PAPPA: variants seen among roughly 807,000 people sequenced by gnomAD.
PAPPA encodes pappalysin 1, also known as pappalysin-1.
A neutral mutation model predicts 164.0 loss-of-function variants in PAPPA; 60 were observed. The ratio of observed to expected loss-of-function variants is 0.37; its 90% confidence interval spans 0.30 to 0.45. The LOEUF (loss-of-function observed/expected upper bound fraction) is 0.45, where lower values mean the gene tolerates loss of function less well. Among genes scored for constraint, PAPPA ranks in the 20% least tolerant of loss-of-function variants. The pLI, the probability that PAPPA is intolerant of heterozygous loss-of-function variation, is 1.00. For missense variants in PAPPA, 1,782 were observed against 2,087.3 expected, an observed-to-expected ratio of 0.85 and a Z score of 2.85; for synonymous variants, 875 against 814.1, an observed-to-expected ratio of 1.07 and a Z score of -1.27.
At chr9:116,337,708 G>A (rs868278594) in intron 13 of PAPPA, among the ~76,000 whole-genome samples, 1 of 132,062 alleles carries the variant, frequency 7.6e-6, no homozygotes, top group Non-Finnish European at 1.6e-5. Context: ...TCTCTCCCCC[G>A]CCCCCCACCT....
At chr9:116,254,067 A>G (rs1430996124) in intron 7 of PAPPA, among the ~76,000 whole-genome samples, 2 of 152,166 alleles carry the variant, frequency 1.3e-5, no homozygotes, top group Non-Finnish European at 2.9e-5. Context: ...TCAAGCCAGT[A>G]TACCTCCTTG....
chr9:116,169,310 C>CTTTTT lies in PAPPA; in HGVS notation c.415+14746_415+14750dup, dbSNP rs563871496. Among the ~76,000 whole-genome samples the CTTTTT allele has an allele frequency of 1.9e-3, 100 of 52,150 alleles. 19 individuals carry two copies. Among genetic ancestry groups the CTTTTT allele is most frequent in the African/African-American group, 7.0e-3 (96 of 13,728 alleles). The allele number at this position is 52,150 out of a possible 152,430, so 34.2% of individuals were successfully genotyped here. Reference sequence around the variant, plus strand: ...GTCCTTCGGCCTCTCCAAACCCATTCTTTTTTTTTTTTTTTTTTTTTTTTT... The same window carrying CTTTTT: ...GTCCTTCGGCCTCTCCAAACCCATTCTTTTTTTTTTTTTTTTTTTTTTTTTTTTTT... On this transcript the variant is annotated intron_variant, in intron 1 of 21. Transcript: ENST00000328252.
At chr9:116,337,654 T>C (rs1251726513) in intron 13 of PAPPA, among the ~76,000 whole-genome samples, 1 of 151,294 alleles carries the variant, frequency 6.6e-6, no homozygotes, top group Non-Finnish European at 1.5e-5. Context: ...TCTCTCCCTC[T>C]CTCTCCTCTC....
rs376697346 is a variant in PAPPA, at chr9:116,335,101, T to G, written c.3611+27T>G. 5.3e-5 allele frequency: 83 copies of G among 1,579,842 alleles called. No homozygotes were observed. In the African/African-American group the frequency reaches 9.8e-4, roughly 19 times the overall value. ...TAAGGGATCCGCGGCAGACTCGCCC[T>G]AGGCCACTTGTAGCCGAGTGGAGAC... On this transcript the variant is annotated intron_variant, in intron 13 of 21. Transcript: ENST00000328252.
intron 13 of PAPPA, among the ~76,000 whole-genome samples, chr9:116,336,680 C>A (rs547132358): frequency 6.6e-6 from 1 of 152,148 alleles, no homozygotes; most frequent in Non-Finnish European, 1.5e-5. Flanking sequence ...TCGATTGATA[C>A]GTATTTGTTA....
chr9:116,259,204 TAACA>T lies in PAPPA; in HGVS notation c.2733-6646_2733-6643del, dbSNP rs1308669605. Among the ~76,000 whole-genome samples the T allele has an allele frequency of 2.0e-4, 31 of 151,646 alleles. No individual in the cohort carries two copies. The South Asian group carries it at 6.0e-3, about 30-fold the overall frequency. ...TTGTAGGTGCTTGAAACCATATAGG[TAACA>T]AACAAAACCTTAAAATTATTGAAAG... On this transcript the variant is annotated intron_variant, in intron 7 of 21. Coordinates refer to ENST00000328252, the MANE Select transcript of PAPPA (RefSeq NM_002581.5).
At chr9:116,232,592 C>T (rs1477147593) in intron 6 of PAPPA, among the ~76,000 whole-genome samples, 1 of 152,216 alleles carries the variant, frequency 6.6e-6, no homozygotes, top group Non-Finnish European at 1.5e-5. Context: ...TTTCATAAGA[C>T]CTGCGTCACA....
chr9:116,374,012 G>A (rs770789235), intron 19 of PAPPA, among the ~76,000 whole-genome samples: 2 of 151,468 alleles, frequency 1.3e-5, no homozygotes, highest in Non-Finnish European at 3.0e-5. Flanking sequence ...ATGAGGATGA[G>A]GATACTGATG....
chr9:116,357,310 T>G (rs1383708001), intron 17 of PAPPA, among the ~76,000 whole-genome samples: 1 of 152,234 alleles, frequency 6.6e-6, no homozygotes, highest in Non-Finnish European at 1.5e-5. Flanking sequence ...GGCTACCATA[T>G]CAGATAGTCC....
At chr9:116,330,370 CT>C (rs1434841222) in intron 10 of PAPPA, among the ~76,000 whole-genome samples, 1 of 152,134 alleles carries the variant, frequency 6.6e-6, no homozygotes, top group Non-Finnish European at 1.5e-5. Context: ...CACACATTGC[CT>C]GCTCTAAGCT....
intron 4 of PAPPA, among the ~76,000 whole-genome samples, chr9:116,219,549 G>C (rs1844416479): frequency 6.6e-6 from 1 of 152,176 alleles, no homozygotes; most frequent in Non-Finnish European, 1.5e-5. Flanking sequence ...GAGAGATATT[G>C]AGTGGGGGGT....
intron 2 of PAPPA, among the ~76,000 whole-genome samples, chr9:116,201,242 G>T (rs2118661409): frequency 1.3e-5 from 2 of 152,280 alleles, no homozygotes; most frequent in South Asian, 4.1e-4. Flanking sequence ...ACATTCTGAG[G>T]TTTATCTTGC....
chr9:116,154,331 C>T lies in PAPPA; in HGVS notation c.159C>T (p.Arg53=). 1.2e-5 allele frequency: 10 copies of T among 841,918 alleles called. No homozygotes were observed. The highest frequency in any genetic ancestry group is 1.4e-5 in the Non-Finnish European group (10 of 703,350). The allele number at this position is 841,918 out of a possible 1,614,324, so 52.2% of individuals were successfully genotyped here. Residue 53 remains arginine, a synonymous_variant, in exon 1 of 22, where the codon CGC becomes CGT. Coordinates refer to ENST00000328252, the MANE Select transcript of PAPPA (RefSeq NM_002581.5). The surrounding 1 kb of genome is among the most constrained non-coding windows in gnomAD (Gnocchi z 5.2). The stretch of plus-strand genomic sequence containing the variant: ...CCACCTGCGCCACCCGGGCGGCCCG[C>T]GGCCGCCGCGCCTCGCCGCCGCCGC... The part of the protein sequence containing the change: ...GPATCATRAA[R]GRRASPPPPP...
At chr9:116,294,977 G>T (rs1431615423) in intron 9 of PAPPA, among the ~76,000 whole-genome samples, 1 of 152,156 alleles carries the variant, frequency 6.6e-6, no homozygotes, top group Non-Finnish European at 1.5e-5. Context: ...TTGGAAGGAG[G>T]TTCATTTCAG....
At chr9:116,274,472 G>A (rs1173314016) in intron 9 of PAPPA, among the ~76,000 whole-genome samples, 3 of 152,226 alleles carry the variant, frequency 2.0e-5, no homozygotes, top group Non-Finnish European at 4.4e-5. Context: ...TCTTTAATGA[G>A]TCAGAGAAGA....
In PAPPA at chr9:116,288,012, C is replaced by T. The variant is rs1275078213; in HGVS notation, c.2954-14745C>T. Among the ~76,000 whole-genome samples, 9 of 152,204 alleles carry T rather than the reference C, an allele frequency of 5.9e-5. 1 individual carries two copies. Among genetic ancestry groups the T allele is most frequent in the Non-Finnish European group, 1.3e-4 (9 of 68,032 alleles). On this transcript the variant is annotated intron_variant, in intron 9 of 21. Coordinates refer to ENST00000328252, the MANE Select transcript of PAPPA (RefSeq NM_002581.5). ...CATGAATAGTTATGATGACTCTTAT[C>T]ATCCCTGATCAAAAAGGGCAGTGGT...
chr9:116,218,479 T>C (rs1844402997), intron 4 of PAPPA, among the ~76,000 whole-genome samples: 1 of 152,200 alleles, frequency 6.6e-6, no homozygotes, highest in Non-Finnish European at 1.5e-5. Context: ...GTGGTGTTTT[T>C]GGAAATTAAG....
rs755148231 is a variant in PAPPA at position 116,265,837 on chromosome 9, GTCT to G, written c.2733-15_2733-13del. The stretch of plus-strand genomic sequence containing the variant: ...CCCAGTATTGTAATTGTATAATTAT[GTCT>G]TCTTTGTATTTTCCAGGGATCTAAA... On this transcript the variant is annotated splice_polypyrimidine_tract_variant and intron_variant, in intron 7 of 21. Transcript: ENST00000328252. The G allele has an allele frequency of 4.7e-5, 74 of 1,577,580 alleles. No individual in the cohort carries two copies. The Admixed American group carries it at 1.2e-3, about 26-fold the overall frequency.
Position 116,347,769 on chromosome 9 carries a change from GC to G in PAPPA, c.3964+561del, listed in dbSNP as rs1481912654. Among the ~76,000 whole-genome samples the G allele has an allele frequency of 1.3e-5, 2 of 152,158 alleles. No homozygotes were observed. Among genetic ancestry groups the G allele is most frequent in the African/African-American group, 4.8e-5 (2 of 41,422 alleles). On this transcript the variant is annotated intron_variant, in intron 15 of 21. Coordinates refer to ENST00000328252, the MANE Select transcript of PAPPA (RefSeq NM_002581.5). The surrounding 1 kb of genome is among the most constrained non-coding windows in gnomAD (Gnocchi z 4.5). ...AGAGAAGAGCAGATATGGACAGGAA[GC>G]ATCTGGCATCCTCCTGAGCTAGGCA...
Sources: gnomAD v4.1 joint callset for allele counts (sites outside exome capture counted in the v4.1 genomes callset) on GRCh38, gnomAD v4.1.1 for gene constraint, Gnocchi (gnomAD v3.1) non-coding constraint, MANE v1.5 for transcripts, NCBI Gene and HGNC (gene_info 2026-07-23, HGNC 2026-07-21) for gene names.